The following DPYD variants were observed in gnomAD, a reference collection of about 807,000 sequenced individuals.
DPYD encodes the protein dihydropyrimidine dehydrogenase, also known as dihydropyrimidine dehydrogenase [NADP(+)].
Under a neutral mutation model 116.2 loss-of-function variants are expected in DPYD, and 109 were observed. The observed-to-expected ratio is 0.94, with a 90% CI of 0.80 to 1.10. DPYD has a LOEUF of 1.10. Ranked by LOEUF, DPYD falls within the 50% of genes least tolerant of loss-of-function variation. The probability of loss-of-function intolerance (pLI) is 0.00; values close to 1 mark genes in which losing one functional copy is unlikely to be tolerated. For missense variants in DPYD, 1,302 were observed against 1,254.5 expected, an observed-to-expected ratio of 1.04 and a Z score of -0.57; for synonymous variants, 440 against 432.0, an observed-to-expected ratio of 1.02 and a Z score of -0.23.
At chr1:97,288,161 T>C (rs568395149) in intron 18 of DPYD, among the ~76,000 whole-genome samples, 1 of 151,446 alleles carries the variant, frequency 6.6e-6, no homozygotes, top group African/African-American at 2.4e-5. Context: ...ATGCACCCAG[T>C]ACAGGAGCAC....
chr1:97,712,418 T>C (rs1235599589), intron 5 of DPYD, among the ~76,000 whole-genome samples: 1 of 152,084 alleles, frequency 6.6e-6, no homozygotes, highest in Non-Finnish European at 1.5e-5. Flanking sequence ...AAACTCACCG[T>C]TGATTTTTTT....
intron 20 of DPYD, among the ~76,000 whole-genome samples, chr1:97,159,542 C>T (rs1002041438): frequency 4.0e-5 from 6 of 151,830 alleles, no homozygotes; most frequent in Non-Finnish European, 8.8e-5. Flanking sequence ...ATTTCCTAAA[C>T]TTGGTAAAAA....
rs56199931 is a variant in DPYD at position 97,477,604 on chromosome 1, C to CTTTTT, written c.1741-27386_1741-27382dup. On this transcript the variant is annotated intron_variant, in intron 13 of 22. Transcript: ENST00000370192. The stretch of plus-strand genomic sequence containing the variant: ...CTGACCTCCTTCCATGACTGTTCTT[C>CTTTTT]TTTTTTTTTTTTTTTTTTTTTTTTT... 3.4e-4 allele frequency among the ~76,000 whole-genome samples: 39 copies of CTTTTT among 113,668 alleles called. 1 individual carries two copies. The highest frequency in any genetic ancestry group is 1.3e-3 in the African/African-American group (37 of 29,596). The allele number at this position is 113,668 out of a possible 152,430, so 74.6% of individuals were successfully genotyped here.
intron 16 of DPYD, among the ~76,000 whole-genome samples, chr1:97,369,796 A>C (rs1348148331): frequency 6.6e-6 from 1 of 152,230 alleles, no homozygotes; most frequent in African/African-American, 2.4e-5. Flanking sequence ...GTTCTATTCT[A>C]GCCACTTTAA....
At chr1:97,664,789 T>C (rs542883845) in intron 8 of DPYD, among the ~76,000 whole-genome samples, 1 of 152,238 alleles carries the variant, frequency 6.6e-6, no homozygotes, top group South Asian at 2.1e-4. Context: ...AGTTTTTCCT[T>C]ACTCTGCCAC....
chr1:97,124,687 A>G (rs2101652825), intron 20 of DPYD, among the ~76,000 whole-genome samples: 1 of 152,240 alleles, frequency 6.6e-6, no homozygotes, highest in East Asian at 1.9e-4. Flanking sequence ...CACTGAGGAA[A>G]GTTAGATGCT....
At chr1:97,778,219 A>AGG (rs369668980) in intron 3 of DPYD, among the ~76,000 whole-genome samples, 5 of 95,834 alleles carry the variant, frequency 5.2e-5, no homozygotes, top group African/African-American at 1.9e-4. Flanking sequence ...AGAGAGAGAG[A>AGG]GGGAGGGAGG....
intron 14 of DPYD, among the ~76,000 whole-genome samples, chr1:97,422,835 C>T (rs375749078): frequency 1.3e-5 from 2 of 152,010 alleles, no homozygotes; most frequent in East Asian, 3.9e-4. Flanking sequence ...GTGCTACAAA[C>T]AAGATGCTAT....
At position 97,151,519 on chromosome 1, in the gene DPYD, A is replaced by T. The variant is rs181323844; in HGVS notation, c.2622+41550T>A. On this transcript the variant is annotated intron_variant, in intron 20 of 22. Coordinates refer to ENST00000370192, the MANE Select transcript of DPYD (RefSeq NM_000110.4). ...TGAAATCCCCGTCTCTACTAAAAAT[A>T]CAAAAATTAGCCAGGCATGGTGGTG... 9.7e-4 allele frequency among the ~76,000 whole-genome samples: 147 copies of T among 152,212 alleles called. 2 individuals carry two copies. The highest frequency in any genetic ancestry group is 3.4e-3 in the African/African-American group (142 of 41,524).
At chr1:97,437,552 T>A (rs1323055103) in intron 14 of DPYD, among the ~76,000 whole-genome samples, 1 of 151,878 alleles carries the variant, frequency 6.6e-6, no homozygotes, top group Non-Finnish European at 1.5e-5. Flanking sequence ...ATATGTTTTG[T>A]TTTCTCTTGG....
chr1:97,340,567 T>C (rs1320415236), intron 16 of DPYD, among the ~76,000 whole-genome samples: 1 of 152,048 alleles, frequency 6.6e-6, no homozygotes, highest in Non-Finnish European at 1.5e-5. Flanking sequence ...CCAGCTACTT[T>C]CGGGAGGCTG....
At chr1:97,809,760 C>A (rs149357352) in intron 3 of DPYD, among the ~76,000 whole-genome samples, 197 of 152,122 alleles carry the variant, frequency 1.3e-3, no homozygotes, top group African/African-American at 4.6e-3. Context: ...ACCAAAAATA[C>A]TGGAGAAGAA....
At chr1:97,683,766 A>T (rs1419153937) in intron 7 of DPYD, among the ~76,000 whole-genome samples, 1 of 152,124 alleles carries the variant, frequency 6.6e-6, no homozygotes, top group Non-Finnish European at 1.5e-5. Flanking sequence ...AAATTTAAAA[A>T]ATGCAAATAT....
intron 3 of DPYD, among the ~76,000 whole-genome samples, chr1:97,756,102 T>C (rs894269533): frequency 6.6e-6 from 1 of 152,014 alleles, no homozygotes; most frequent in Non-Finnish European, 1.5e-5. Flanking sequence ...TGATGAAAAA[T>C]GTCTCAATCT....
At chr1:97,384,246 GAA>G (rs11286049) in intron 14 of DPYD, among the ~76,000 whole-genome samples, 26 of 138,560 alleles carry the variant, frequency 1.9e-4, no homozygotes, top group African/African-American at 5.5e-4. Flanking sequence ...TTTACTTTGA[GAA>G]AAAAAAAAAA....
intron 15 of DPYD, among the ~76,000 whole-genome samples, chr1:97,376,444 C>A (rs930725335): frequency 4.6e-5 from 7 of 152,168 alleles, no homozygotes; most frequent in African/African-American, 1.7e-4. Context: ...TGCCCACTCA[C>A]CAAACACACC....
intron 3 of DPYD, among the ~76,000 whole-genome samples, chr1:97,782,417 T>C (rs1666800690): frequency 6.6e-6 from 1 of 152,346 alleles, no homozygotes; most frequent in South Asian, 2.1e-4. Flanking sequence ...GCTTTGAGCA[T>C]GTTCTACAGA....
intron 3 of DPYD, among the ~76,000 whole-genome samples, chr1:97,754,554 C>A (rs1665124677): frequency 6.6e-6 from 1 of 152,170 alleles, no homozygotes; most frequent in African/African-American, 2.4e-5. Flanking sequence ...TGTTTGTGTT[C>A]TGCGGAATCT....
intron 13 of DPYD, among the ~76,000 whole-genome samples, chr1:97,464,330 C>A (rs1677192612): frequency 6.6e-6 from 1 of 151,096 alleles, no homozygotes; most frequent in Non-Finnish European, 1.5e-5. Context: ...AAAAGAAAAT[C>A]CCGTTTTCTG....
Sources: allele counts gnomAD v4.1 joint callset (sites outside exome capture counted in the v4.1 genomes callset), GRCh38; gene constraint gnomAD v4.1.1; transcripts MANE v1.5; gene names NCBI Gene and HGNC (gene_info 2026-07-23, HGNC 2026-07-21).